The following PALM2AKAP2 variants were observed in gnomAD, a reference collection of about 807,000 sequenced individuals.
The protein encoded by PALM2AKAP2 is PALM2 and AKAP2 fusion.
A neutral mutation model predicts 71.5 loss-of-function variants in PALM2AKAP2; 37 were observed. The ratio of observed to expected loss-of-function variants is 0.52; its 90% confidence interval spans 0.40 to 0.68. The LOEUF (loss-of-function observed/expected upper bound fraction) is 0.68. Among genes scored for constraint, PALM2AKAP2 ranks in the 30% least tolerant of loss-of-function variants. The pLI is 0.00. For missense variants in PALM2AKAP2, 1,224 were observed against 1,191.8 expected (o/e 1.03, Z -0.40); for synonymous variants, 468 against 478.8 (o/e 0.98, Z 0.29).
intron 1 of PALM2AKAP2, among the ~76,000 whole-genome samples, chr9:110,088,703 G>GTTTTTTTTTTTTTTTTTTT (rs71373964): frequency 1.3e-5 from 1 of 75,572 alleles, no homozygotes. Context: ...GCATTTACGT[G>GTTTTTTTTTTTTTTTTTTT]TTTTTTTTTT....
At chr9:109,955,929 C>A (rs1167686639) in intron 6 of PALM2AKAP2, among the ~76,000 whole-genome samples, 1 of 151,458 alleles carries the variant, frequency 6.6e-6, no homozygotes, top group Non-Finnish European at 1.5e-5. Flanking sequence ...CAGCAAGACT[C>A]CTCTGTCTTA....
chr9:109,873,477 T>G (rs1226330328), intron 2 of PALM2AKAP2, among the ~76,000 whole-genome samples: 1 of 150,598 alleles, frequency 6.6e-6, no homozygotes, highest in African/African-American at 2.4e-5. Flanking sequence ...TAAAATAAAA[T>G]AAAATAAAAT....
intron 1 of PALM2AKAP2, among the ~76,000 whole-genome samples, chr9:109,810,676 T>C (rs1408826855): frequency 6.6e-6 from 1 of 151,840 alleles, no homozygotes; most frequent in African/African-American, 2.4e-5. Flanking sequence ...ATGAGGGAGA[T>C]TGTGGGCTTG....
At chr9:109,996,032 A>G (rs1448385173) in intron 6 of PALM2AKAP2, among the ~76,000 whole-genome samples, 1 of 152,192 alleles carries the variant, frequency 6.6e-6, no homozygotes, top group African/African-American at 2.4e-5. Flanking sequence ...GTCACAGACC[A>G]CCAGATGGGT....
intron 1 of PALM2AKAP2, among the ~76,000 whole-genome samples, chr9:109,721,442 C>T (rs1436719416): frequency 6.6e-6 from 1 of 152,190 alleles, no homozygotes; most frequent in Non-Finnish European, 1.5e-5. Flanking sequence ...AACTCCAGGC[C>T]TTCCAACTCC....
intron 1 of PALM2AKAP2, among the ~76,000 whole-genome samples, chr9:110,066,643 G>C (rs1834085664): frequency 6.6e-6 from 1 of 151,356 alleles, no homozygotes; most frequent in South Asian, 2.1e-4. Context: ...AGGTGGCAGT[G>C]AGCTATGATC....
At chr9:109,657,293 T>A (rs765440880) in intron 1 of PALM2AKAP2, among the ~76,000 whole-genome samples, 30 of 152,258 alleles carry the variant, frequency 2.0e-4, no homozygotes, top group Admixed American at 3.9e-4. Flanking sequence ...ATCTGGACCA[T>A]GAAATATCAT....
chr9:109,728,520 T>A (rs1828508005), intron 1 of PALM2AKAP2, among the ~76,000 whole-genome samples: 1 of 152,236 alleles, frequency 6.6e-6, no homozygotes, highest in African/African-American at 2.4e-5. Context: ...CAGTTGTGCC[T>A]GAAGCCAGCT....
At position 109,953,762 on chromosome 9, in the gene PALM2AKAP2, G is replaced by A. The variant is rs192218104; in HGVS notation, c.496+21734G>A. Among the ~76,000 whole-genome samples, 386 of 150,318 alleles carry A rather than the reference G, an allele frequency of 2.6e-3. 2 individuals carry two copies. The highest frequency in any genetic ancestry group is 8.6e-3 in the African/African-American group (352 of 40,726). On this transcript the variant is annotated intron_variant, in intron 6 of 9. Coordinates refer to the PALM2AKAP2 transcript ENST00000302798. The stretch of plus-strand genomic sequence containing the variant: ...AGGCCGGAGAATTGCTTGAACCTGG[G>A]AGGTGGAGGCTGCAGTGAGCTGAGA...
chr9:109,657,938 T>TGTGTG (rs1758141728), intron 1 of PALM2AKAP2, among the ~76,000 whole-genome samples: 4 of 142,440 alleles, frequency 2.8e-5, no homozygotes, highest in African/African-American at 7.9e-5. Context: ...TTGTGTGTGT[T>TGTGTG]TGTGTGTGTG....
intron 1 of PALM2AKAP2, among the ~76,000 whole-genome samples, chr9:109,834,024 C>A (rs1828382355): frequency 6.6e-6 from 1 of 152,126 alleles, no homozygotes; most frequent in South Asian, 2.1e-4. Context: ...ACCAGTCTGA[C>A]CAACATGGTG....
At chr9:110,005,367 C>T (rs867611625) in intron 6 of PALM2AKAP2, among the ~76,000 whole-genome samples, 1 of 152,194 alleles carries the variant, frequency 6.6e-6, no homozygotes, top group African/African-American at 2.4e-5. Context: ...AAATATTGCT[C>T]CCTGATCATT....
At chr9:109,939,069 A>G (rs953100471) in intron 6 of PALM2AKAP2, among the ~76,000 whole-genome samples, 1 of 152,008 alleles carries the variant, frequency 6.6e-6, no homozygotes, top group Admixed American at 6.6e-5. Flanking sequence ...AAGGGACCTA[A>G]TTTATATCTC....
chr9:110,159,370 A>G (rs1422456156), intron 3 of PALM2AKAP2, among the ~76,000 whole-genome samples: 1 of 152,106 alleles, frequency 6.6e-6, no homozygotes, highest in South Asian at 2.1e-4. Context: ...CCATTTGCCA[A>G]TATTTTTTCC....
chr9:109,947,472 C>T (rs1352627564), intron 6 of PALM2AKAP2, among the ~76,000 whole-genome samples: 1 of 152,102 alleles, frequency 6.6e-6, no homozygotes, highest in African/African-American at 2.4e-5. Flanking sequence ...TTGAAAATTA[C>T]CATTTATTTA....
At chr9:109,942,709 G>A (rs1831403502) in intron 6 of PALM2AKAP2, 1 of 1,594,070 alleles carries the variant, frequency 6.3e-7, no homozygotes, top group Non-Finnish European at 8.5e-7. Flanking sequence ...GGAAATTAAT[G>A]TGGAGAAAGA....
chr9:109,767,025 AT>A (rs34741240), intron 1 of PALM2AKAP2, among the ~76,000 whole-genome samples: 42,611 of 151,976 alleles, frequency 0.28, 7,450 homozygotes, highest in African/African-American at 0.47. Flanking sequence ...ATTTACATGG[AT>A]TATCTACTTT....
chr9:109,781,372 A>AT (rs1181283074), intron 1 of PALM2AKAP2, among the ~76,000 whole-genome samples: 2 of 152,222 alleles, frequency 1.3e-5, no homozygotes, highest in Non-Finnish European at 2.9e-5. Context: ...TGAGGGAATG[A>AT]TTACTGCTGC....
chr9:110,010,926 G>C (rs1832870019), intron 6 of PALM2AKAP2, among the ~76,000 whole-genome samples: 2 of 142,964 alleles, frequency 1.4e-5, no homozygotes. Flanking sequence ...AACCTGGGAG[G>C]CGGAGGTTGC....
Sources: gnomAD v4.1 joint callset for allele counts (sites outside exome capture counted in the v4.1 genomes callset) on GRCh38, gnomAD v4.1.1 for gene constraint, MANE v1.5 for transcripts, NCBI Gene and HGNC (gene_info 2026-07-23, HGNC 2026-07-21) for gene names.